The following TPGS2 variants were observed in gnomAD, a reference collection of about 807,000 sequenced individuals.
TPGS2 encodes the protein polyglutamylase subunit 2.
TPGS2 carries 26 observed loss-of-function variants against 31.1 expected under a neutral mutation model. The observed-to-expected ratio is 0.84, with a 90% CI of 0.61 to 1.16. TPGS2 has a LOEUF of 1.16. Ranked by LOEUF, TPGS2 falls within the 50% of genes most tolerant of loss-of-function variation. The pLI, the probability that TPGS2 is intolerant of heterozygous loss-of-function variation, is 0.00. For missense variants in TPGS2, 351 were observed against 363.8 expected, an observed-to-expected ratio of 0.96 and a Z score of 0.29; for synonymous variants, 130 against 136.6, an observed-to-expected ratio of 0.95 and a Z score of 0.34.
At chr18:36,781,258 G>C (rs2044005386), downstream of TPGS2, among the ~76,000 whole-genome samples, 1 of 152,182 alleles carries the variant, frequency 6.6e-6, no homozygotes, top group African/African-American at 2.4e-5. Flanking sequence ...TCCCTGTGAG[G>C]AACCTCTGTC....
intron 1 of TPGS2, among the ~76,000 whole-genome samples, chr18:36,826,833 T>TA (rs2046160543): frequency 1.3e-5 from 2 of 152,334 alleles, no homozygotes; most frequent in South Asian, 4.1e-4. Context: ...CTTTCACCAT[T>TA]ACATATGATG....
chr18:36,789,774 T>C (rs1025325151), downstream of TPGS2: 2 of 152,204 alleles, frequency 1.3e-5, no homozygotes, highest in Non-Finnish European at 2.9e-5. Flanking sequence ...GTTCTCATGG[T>C]AGTTAATAAG....
chr18:36,826,514 T>C (rs995735698), intron 1 of TPGS2, among the ~76,000 whole-genome samples: 2 of 152,008 alleles, frequency 1.3e-5, no homozygotes, highest in South Asian at 2.1e-4. Context: ...TCCTTTTCAA[T>C]TGGATGTCTT....
chr18:36,822,669 A>T (rs1255935184), intron 1 of TPGS2, among the ~76,000 whole-genome samples: 1 of 152,164 alleles, frequency 6.6e-6, no homozygotes, highest in East Asian at 1.9e-4. Context: ...ATCATAGCTC[A>T]CTTCAGCCTC....
rs1236590935 is a variant in TPGS2, at chr18:36,795,322, C to CCAAT, written c.*1479_*1482dup. 9 of 985,418 alleles carry CCAAT rather than the reference C, an allele frequency of 9.1e-6. No individual in the cohort carries two copies. The highest frequency in any genetic ancestry group is 4.7e-5 in the South Asian group (1 of 21,282). The allele number at this position is 985,418 out of a possible 1,614,324, so 61.0% of individuals were successfully genotyped here. ...GACAGTGCAAAGGAAGGAAGTCTGGCCAATCACCGGGGTAGAGAGAAGTCA... is the reference window on the plus strand; with the variant it reads ...GACAGTGCAAAGGAAGGAAGTCTGGCCAATCAATCACCGGGGTAGAGAGAAGTCA... On this transcript the variant is annotated 3_prime_UTR_variant, in exon 7 of 7. Transcript: ENST00000334295.
intron 1 of TPGS2, chr18:36,823,962 T>C (rs902734713): frequency 2.9e-6 from 2 of 688,228 alleles, no homozygotes; most frequent in African/African-American, 3.9e-5. Flanking sequence ...ATACCATAAT[T>C]TATAAAGTGA....
Position 36,798,517 on chromosome 18 carries a change from T to A in TPGS2, c.589A>T (p.Ile197Phe). Residue 197 changes from isoleucine to phenylalanine, a missense_variant, in exon 6 of 7, where the codon ATC (isoleucine) becomes TTC (phenylalanine). By Grantham distance (21) the Ile-to-Phe change is conservative (BLOSUM62 0). Transcript: ENST00000334295. The part of the protein sequence containing the change: ...DTFTAYYRLL[I>F]THLGLPQWQY... ...CACTGGGGCAGGCCCAGGTGGGTGA[T>A]GAGCAGGCGGTAATAGGCAGTAAAG... 3.1e-6 allele frequency: 5 copies of A among 1,614,228 alleles called. No homozygotes were observed. Among genetic ancestry groups the A allele is most frequent in the Non-Finnish European group, 4.2e-6 (5 of 1,180,036 alleles).
At chr18:36,804,253 A>G (rs2150590666) in intron 4 of TPGS2, among the ~76,000 whole-genome samples, 1 of 152,342 alleles carries the variant, frequency 6.6e-6, no homozygotes, top group South Asian at 2.1e-4. Flanking sequence ...CCTAAAATGC[A>G]TGAATCTAGC....
At chr18:36,786,617 G>A (rs960184241) in intron 6 of TPGS2, 4 of 382,008 alleles carry the variant, frequency 1.0e-5, no homozygotes, top group African/African-American at 8.3e-5. Context: ...TTGTCACAAA[G>A]TTGTTCCGTC....
chr18:36,787,551 TAAAAACGTGGTA>T (rs2044167953), intron 6 of TPGS2, among the ~76,000 whole-genome samples: 1 of 152,204 alleles, frequency 6.6e-6, no homozygotes, highest in East Asian at 1.9e-4. Flanking sequence ...AAGAACTGAA[TAAAAACGTGGTA>T]TTTATACAGG....
rs1362576335 is a variant in TPGS2 at position 36,795,972 on chromosome 18, A to G, written c.*833T>C. The stretch of plus-strand genomic sequence containing the variant: ...TTAAATGGTAAGAATAAAGTATAGC[A>G]GAAGTACACCTTCTTTAAAAAGTTA... On this transcript the variant is annotated 3_prime_UTR_variant, in exon 7 of 7. Coordinates refer to ENST00000334295, the MANE Select transcript of TPGS2 (RefSeq NM_015476.4). 1 of 985,360 alleles carries G rather than the reference A, an allele frequency of 1.0e-6. No homozygotes were observed. The highest frequency in any genetic ancestry group is 6.1e-5 in the Admixed American group (1 of 16,272). 61.0% of individuals were successfully genotyped at this position (985,360 alleles called of 1,614,324 possible).
chr18:36,781,876 C>CT (rs1483264436), downstream of TPGS2: 1 of 985,278 alleles, frequency 1.0e-6, no homozygotes, highest in Non-Finnish European at 1.2e-6. Flanking sequence ...GAGCCTGGAA[C>CT]TTGCGAGAGT....
At chr18:36,819,277 C>G (rs78925692) in intron 1 of TPGS2, among the ~76,000 whole-genome samples, 1 of 152,156 alleles carries the variant, frequency 6.6e-6, no homozygotes, top group South Asian at 2.1e-4. Context: ...TGATTTCACA[C>G]AGAAATTCTC....
At chr18:36,807,791 T>C in intron 3 of TPGS2, 56 bp downstream of exon 3, 1 of 1,545,628 alleles carries the variant, frequency 6.5e-7, no homozygotes, top group Non-Finnish European at 8.9e-7. Flanking sequence ...CCCTCAGAGT[T>C]GTCCCATTCA....
At position 36,796,415 on chromosome 18, in the gene TPGS2, A is replaced by C. The variant is rs1041391046; in HGVS notation, c.*390T>G. 8.0e-6 allele frequency: 8 copies of C among 1,005,882 alleles called. No homozygotes were observed. Among genetic ancestry groups the C allele is most frequent in the Non-Finnish European group, 9.5e-6 (8 of 843,952 alleles). The allele number at this position is 1,005,882 out of a possible 1,614,324, so 62.3% of individuals were successfully genotyped here. On this transcript the variant is annotated 3_prime_UTR_variant, in exon 7 of 7. Transcript: ENST00000334295. ...CAATTTACTTTAAATTTAAATAGTC[A>C]TATGTGACTAGTGGCTCCTGAATGA...
At chr18:36,798,069 A>C (rs1379995975) in intron 6 of TPGS2, 91 of 795,712 alleles carry the variant, frequency 1.1e-4, no homozygotes, top group Middle Eastern at 6.0e-4. Flanking sequence ...GCGTACAGGA[A>C]ACTCGTAATA....
downstream of TPGS2, chr18:36,782,955 A>G (rs1294874344): frequency 2.5e-6 from 1 of 396,820 alleles, no homozygotes; most frequent in Non-Finnish European, 4.4e-6. Flanking sequence ...CAGTGGCAGG[A>G]CAGACATGCT....
In TPGS2 at chr18:36,794,835, ACACAC is replaced by A. The variant is rs2044449525; in HGVS notation, c.*1965_*1969del. ...GTGACAGTCATGTTATGGTTAAAACACACACACACACACACACACACACACACACA... is the reference window on the plus strand; with the variant it reads ...GTGACAGTCATGTTATGGTTAAAACAACACACACACACACACACACACACA... On this transcript the variant is annotated 3_prime_UTR_variant, in exon 7 of 7. Transcript: ENST00000334295. The A allele has an allele frequency of 4.5e-5, 4 of 88,002 alleles. No individual in the cohort carries two copies. Among genetic ancestry groups the A allele is most frequent in the Non-Finnish European group, 5.3e-5 (4 of 76,020 alleles). 5.5% of individuals were successfully genotyped at this position (88,002 alleles called of 1,614,324 possible).
intron 6 of TPGS2, among the ~76,000 whole-genome samples, chr18:36,785,316 C>T (rs867682057): frequency 1.3e-5 from 2 of 152,062 alleles, no homozygotes; most frequent in Non-Finnish European, 1.5e-5. Context: ...ATTTCCTGAA[C>T]GCTGAAAATT....
Sources: allele counts gnomAD v4.1 joint callset (sites outside exome capture counted in the v4.1 genomes callset), GRCh38; gene constraint gnomAD v4.1.1; transcripts MANE v1.5; gene names NCBI Gene and HGNC (gene_info 2026-07-23, HGNC 2026-07-21).